The following CA10 variants were observed in gnomAD, a reference collection of about 807,000 sequenced individuals.
The protein encoded by CA10 is carbonic anhydrase 10 (inactive).
CA10 carries 14 observed loss-of-function variants against 44.2 expected under a neutral mutation model. The ratio of observed to expected loss-of-function variants is 0.32; its 90% confidence interval spans 0.21 to 0.50. The LOEUF is 0.50. CA10 is among the 20% of genes least tolerant of loss of function. CA10 has a pLI of 0.99. For synonymous variants in CA10, 159 were observed against 141.6 expected (o/e 1.12, Z -0.87); for missense variants, 350 against 409.7 (o/e 0.85, Z 1.26).
intron 5 of CA10, among the ~76,000 whole-genome samples, chr17:51,651,543 C>T (rs978237073): frequency 2.0e-5 from 3 of 152,236 alleles, no homozygotes; most frequent in African/African-American, 7.2e-5. Flanking sequence ...TCACTGACCT[C>T]AGGGTCTACA....
chr17:51,884,295 G>A (rs188668698), intron 3 of CA10, among the ~76,000 whole-genome samples: 4 of 152,192 alleles, frequency 2.6e-5, no homozygotes, highest in Non-Finnish European at 4.4e-5. Flanking sequence ...CACTTTGCTC[G>A]CAGCCCTACA....
intron 2 of CA10, among the ~76,000 whole-genome samples, chr17:52,049,881 G>C (rs1987010367): frequency 6.6e-6 from 1 of 151,988 alleles, no homozygotes; most frequent in Non-Finnish European, 1.5e-5. Flanking sequence ...TGTTTTACTG[G>C]CCCTTTTCTA....
intron 3 of CA10, among the ~76,000 whole-genome samples, chr17:51,804,462 T>A (rs1907054372): frequency 6.6e-6 from 1 of 152,196 alleles, no homozygotes; most frequent in South Asian, 2.1e-4. Context: ...CTCCTTTTAT[T>A]TATTGGGTCT....
At chr17:52,023,619 T>A (rs1010174974) in intron 2 of CA10, among the ~76,000 whole-genome samples, 4 of 151,694 alleles carry the variant, frequency 2.6e-5, no homozygotes, top group African/African-American at 9.7e-5. Context: ...CATTTACAAA[T>A]GGGATGTGAT....
chr17:51,874,909 G>GT (rs1979985307), intron 3 of CA10, among the ~76,000 whole-genome samples: 2 of 152,042 alleles, frequency 1.3e-5, no homozygotes, highest in Non-Finnish European at 2.9e-5. Context: ...CCTGTATAGG[G>GT]TAGGGTGAGG....
At chr17:51,984,846 C>T (rs1342212347) in intron 2 of CA10, among the ~76,000 whole-genome samples, 1 of 151,774 alleles carries the variant, frequency 6.6e-6, no homozygotes, top group Admixed American at 6.6e-5. Context: ...TAATAACAAG[C>T]AGAGAGATTG....
At chr17:52,055,124 G>T (rs1423326089) in intron 2 of CA10, among the ~76,000 whole-genome samples, 2 of 152,012 alleles carry the variant, frequency 1.3e-5, no homozygotes, top group Admixed American at 6.6e-5. Flanking sequence ...AGTAAGGCCT[G>T]GTCTGGTAGG....
intron 2 of CA10, among the ~76,000 whole-genome samples, chr17:51,992,211 T>TA (rs374223596): frequency 7.3e-5 from 11 of 151,662 alleles, no homozygotes; most frequent in South Asian, 2.1e-4. Context: ...TGCTTTACTA[T>TA]AAAAAAAAGG....
chr17:51,739,541 T>C (rs1298130384), intron 4 of CA10, among the ~76,000 whole-genome samples: 3 of 152,108 alleles, frequency 2.0e-5, no homozygotes, highest in East Asian at 3.9e-4. Context: ...GCCAGAGTTA[T>C]GATGCAGATT....
At chr17:51,687,129 A>G (rs1386154477) in intron 4 of CA10, among the ~76,000 whole-genome samples, 1 of 152,172 alleles carries the variant, frequency 6.6e-6, no homozygotes, top group African/African-American at 2.4e-5. Context: ...ATGACTTTCT[A>G]CATCTTACCT....
chr17:52,131,236 G>A (rs964433330), intron 1 of CA10, among the ~76,000 whole-genome samples: 2 of 151,976 alleles, frequency 1.3e-5, no homozygotes, highest in African/African-American at 2.4e-5. Flanking sequence ...AACCAAGGAG[G>A]CCTCATACTT....
At chr17:51,938,130 C>G (rs1010581031) in intron 2 of CA10, among the ~76,000 whole-genome samples, 1 of 152,132 alleles carries the variant, frequency 6.6e-6, no homozygotes, top group Non-Finnish European at 1.5e-5. Flanking sequence ...GGCTAAATTA[C>G]TAGGTGGCTT....
chr17:51,710,816 CA>C lies in CA10; in HGVS notation c.465+36816del, dbSNP rs1915915668. ...CTTCCTGGGGCTGGCTCCGCGATTT[CA>C]AAAACATAGACAAATTGGCTCTCTT... On this transcript the variant is annotated intron_variant, in intron 4 of 8. Coordinates refer to ENST00000451037, the MANE Select transcript of CA10 (RefSeq NM_020178.5). Among the ~76,000 whole-genome samples, 8 of 150,534 alleles carry C rather than the reference CA, an allele frequency of 5.3e-5. No individual in the cohort carries two copies. The South Asian group carries it at 1.7e-3, about 32-fold the overall frequency.
rs34606778 is a variant in CA10 at position 51,905,526 on chromosome 17, C to CTTTTTTT, written c.279+25457_279+25463dup. ...TTATGGCCCATCATCCCTATCAGTC[C>CTTTTTTT]TTTTTTTTTTTTTTTTTTTTTTTTT... On this transcript the variant is annotated intron_variant, in intron 3 of 8. Coordinates refer to ENST00000451037, the MANE Select transcript of CA10 (RefSeq NM_020178.5). Among the ~76,000 whole-genome samples, 5 of 99,856 alleles carry CTTTTTTT rather than the reference C, an allele frequency of 5.0e-5. 1 individual carries two copies. The highest frequency in any genetic ancestry group is 2.5e-4 in the African/African-American group (5 of 19,826). The allele number at this position is 99,856 out of a possible 152,430, so 65.5% of individuals were successfully genotyped here. A position where few individuals can be genotyped will look rare whatever the true frequency, so the allele number is the denominator to read the frequency against.
chr17:52,131,335 A>C (rs941111120), intron 1 of CA10, among the ~76,000 whole-genome samples: 1 of 152,236 alleles, frequency 6.6e-6, no homozygotes, highest in African/African-American at 2.4e-5. Context: ...ATTTTGAACA[A>C]ATTAAAAACA....
chr17:51,644,002 C>T (rs1263984407), intron 6 of CA10, among the ~76,000 whole-genome samples: 1 of 152,192 alleles, frequency 6.6e-6, no homozygotes, highest in Non-Finnish European at 1.5e-5. Flanking sequence ...GATCTCTCTT[C>T]ACTAGAACAC....
At chr17:52,131,946 TG>T (rs1347014880) in intron 1 of CA10, among the ~76,000 whole-genome samples, 3 of 150,916 alleles carry the variant, frequency 2.0e-5, no homozygotes, top group Non-Finnish European at 4.4e-5. Flanking sequence ...CACTCATAGA[TG>T]GGAATTGAAA....
intron 4 of CA10, among the ~76,000 whole-genome samples, chr17:51,722,845 G>T (rs1376687736): frequency 6.6e-6 from 1 of 152,152 alleles, no homozygotes; most frequent in Non-Finnish European, 1.5e-5. Flanking sequence ...GAAGTGATTT[G>T]CCCAAAGCCA....
intron 2 of CA10, among the ~76,000 whole-genome samples, chr17:51,964,716 A>G (rs549312506): frequency 3.9e-4 from 60 of 151,984 alleles, no homozygotes; most frequent in African/African-American, 1.4e-3. Flanking sequence ...CTTTGAAATA[A>G]AAGACTCCAT....
Sources: allele counts gnomAD v4.1 joint callset (sites outside exome capture counted in the v4.1 genomes callset), GRCh38; gene constraint gnomAD v4.1.1; transcripts MANE v1.5; gene names NCBI Gene and HGNC (gene_info 2026-07-23, HGNC 2026-07-21).